Variants in LOC400499 observed in about 807,000 individuals in gnomAD.
At chr16:11,446,342 G>C in the LOC400499 span, among the ~76,000 whole-genome samples, 1 of 151,708 alleles carries the variant, frequency 6.6e-6, no homozygotes, top group Admixed American at 6.6e-5. Flanking sequence ...TTCTTTTGTA[G>C]AAACAGGGTT....
At chr16:11,495,664 G>C in the LOC400499 span, among the ~76,000 whole-genome samples, 1 of 152,202 alleles carries the variant, frequency 6.6e-6, no homozygotes, top group African/African-American at 2.4e-5. Flanking sequence ...ACAGGCATGA[G>C]CCACCGTGCC....
At chr16:11,426,653 G>T in the LOC400499 span, among the ~76,000 whole-genome samples, 2 of 151,722 alleles carry the variant, frequency 1.3e-5, no homozygotes, top group Non-Finnish European at 2.9e-5. Context: ...GCCAGGCTGG[G>T]TGCAGTGGCT....
the LOC400499 span, among the ~76,000 whole-genome samples, chr16:11,468,155 G>A: frequency 6.6e-6 from 1 of 152,064 alleles, no homozygotes; most frequent in South Asian, 2.1e-4. Flanking sequence ...CAGACTCCTG[G>A]CCTCCAGAAC....
the LOC400499 span, among the ~76,000 whole-genome samples, chr16:11,463,394 G>T: frequency 6.6e-6 from 1 of 152,084 alleles, no homozygotes; most frequent in East Asian, 1.9e-4. Context: ...GTGTGTGTAT[G>T]AATGTGTGTG....
the LOC400499 span, chr16:11,396,354 A>T: frequency 2.9e-6 from 2 of 698,002 alleles, no homozygotes; most frequent in Admixed American, 4.4e-5. Context: ...CCCAGAATGA[A>T]GCTCTGGCCC....
At chr16:11,467,742 C>A in the LOC400499 span, among the ~76,000 whole-genome samples, 1 of 152,148 alleles carries the variant, frequency 6.6e-6, no homozygotes, top group African/African-American at 2.4e-5. Context: ...CAAAATAAAA[C>A]CCAGAAACCC....
chr16:11,520,701 T>C, the LOC400499 span, among the ~76,000 whole-genome samples: 10 of 149,918 alleles, frequency 6.7e-5, 1 homozygote, highest in African/African-American at 2.5e-4. Context: ...AGTTGTACCC[T>C]TGGGAGAAGT....
the LOC400499 span, chr16:11,462,544 C>T: frequency 3.8e-6 from 2 of 528,388 alleles, no homozygotes; most frequent in African/African-American, 4.1e-5. Flanking sequence ...ATTCTCCTGC[C>T]TCAGCCTCCC....
chr16:11,385,993 G>A, the LOC400499 span, among the ~76,000 whole-genome samples: 5 of 152,186 alleles, frequency 3.3e-5, no homozygotes, highest in South Asian at 2.1e-4. Context: ...CTGAGATGGC[G>A]CCACTGCACT....
the LOC400499 span, among the ~76,000 whole-genome samples, chr16:11,501,726 G>A: frequency 1.2e-4 from 18 of 151,972 alleles, no homozygotes; most frequent in African/African-American, 3.9e-4. Context: ...CCCCAGCCCA[G>A]ACTCTCCACG....
chr16:11,423,181 C>G, the LOC400499 span: 4 of 399,236 alleles, frequency 1.0e-5, no homozygotes, highest in East Asian at 7.1e-5. Context: ...CCCCATACCT[C>G]GAGAGGCTGC....
chr16:11,445,579 G>A, the LOC400499 span, among the ~76,000 whole-genome samples: 1 of 152,188 alleles, frequency 6.6e-6, no homozygotes, highest in Non-Finnish European at 1.5e-5. Context: ...GACGGCTCCA[G>A]GCACACAGGA....
At chr16:11,507,661 G>A in the LOC400499 span, among the ~76,000 whole-genome samples, 1 of 152,256 alleles carries the variant, frequency 6.6e-6, no homozygotes, top group South Asian at 2.1e-4. Context: ...GCAGGGCGCA[G>A]TGGCTCACGC....
At chr16:11,416,828 G>C in the LOC400499 span, among the ~76,000 whole-genome samples, 3 of 152,132 alleles carry the variant, frequency 2.0e-5, no homozygotes, top group Non-Finnish European at 4.4e-5. Context: ...AGCAAGCCTG[G>C]CGTGTTGAAG....
the LOC400499 span, among the ~76,000 whole-genome samples, chr16:11,409,896 T>C: frequency 3.3e-5 from 5 of 152,250 alleles, no homozygotes; most frequent in Admixed American, 3.3e-4. Flanking sequence ...GATGGAAAGA[T>C]ATTAACAATT....
the LOC400499 span, among the ~76,000 whole-genome samples, chr16:11,498,719 C>T: frequency 0.67 from 101,317 of 150,826 alleles, 34,131 homozygotes; most frequent in Admixed American, 0.74. Flanking sequence ...CTGGCCTGCA[C>T]ATGGAACATC....
At chr16:11,473,900 G>A in the LOC400499 span, among the ~76,000 whole-genome samples, 116 of 152,306 alleles carry the variant, frequency 7.6e-4, no homozygotes, top group Non-Finnish European at 8.1e-4. Context: ...TGGTCACCCC[G>A]GCTTGAGTGC....
the LOC400499 span, among the ~76,000 whole-genome samples, chr16:11,383,248 T>C: frequency 6.6e-6 from 1 of 152,122 alleles, no homozygotes; most frequent in Admixed American, 6.6e-5. Context: ...TTTGTATTTT[T>C]AGTAGAGACG....
chr16:11,478,857 G>T, the LOC400499 span, among the ~76,000 whole-genome samples: 1 of 152,166 alleles, frequency 6.6e-6, no homozygotes, highest in Non-Finnish European at 1.5e-5. Context: ...TTCCCGTGCT[G>T]TTCGCGTGAT....
Sources: gnomAD v4.1 joint callset for allele counts (sites outside exome capture counted in the v4.1 genomes callset) on GRCh38, gnomAD v4.1.1 for gene constraint, MANE v1.5 for transcripts.